REPS2: variants seen among roughly 807,000 people sequenced by gnomAD.
REPS2 encodes the protein ralBP1-associated Eps domain-containing protein 2.
A neutral mutation model predicts 53.6 loss-of-function variants in REPS2; 23 were observed. The observed-to-expected ratio is 0.43, with a 90% CI of 0.31 to 0.61. REPS2 has a LOEUF of 0.61. Among genes scored for constraint, REPS2 ranks in the 20% least tolerant of loss-of-function variants. The pLI is 0.11. For synonymous variants in REPS2, 238 were observed against 218.6 expected (o/e 1.09, Z -0.78); for missense variants, 446 against 534.9 (o/e 0.83, Z 1.64).
At chrX:17,069,401 G>T (rs2062273073) in intron 10 of REPS2, among the ~76,000 whole-genome samples, 1 of 112,432 alleles carries the variant, frequency 8.9e-6, no homozygotes, top group African/African-American at 3.2e-5. Context: ...ATTAGGCATT[G>T]TATGGGGGCT....
In REPS2 at chrX:17,150,809, G is replaced by A. The variant is rs974854629; in HGVS notation, c.*3328G>A. The A allele has an allele frequency of 7.1e-5, 8 of 112,064 alleles. No homozygotes were observed. The highest frequency in any genetic ancestry group is 2.6e-4 in the African/African-American group (8 of 30,736). 9.2% of individuals were successfully genotyped at this position (112,064 alleles called of 1,213,427 possible). A position where few individuals can be genotyped will look rare whatever the true frequency, so the allele number is the denominator to read the frequency against. ...AGTGGCAGATTTGGGGCGCCAACCT[G>A]ATTTTATGGATTTTGAGTTAGATTC... On this transcript the variant is annotated 3_prime_UTR_variant, in exon 18 of 18. Transcript: ENST00000357277.
chrX:17,101,350 T>C (rs755266059), intron 13 of REPS2, among the ~76,000 whole-genome samples: 139 of 111,214 alleles, frequency 1.2e-3, no homozygotes, highest in African/African-American at 3.6e-3. Context: ...GCGTGAGCCA[T>C]CGCGCCAGGC....
chrX:17,164,213 A>C, the REPS2 span, among the ~76,000 whole-genome samples: 1 of 112,012 alleles, frequency 8.9e-6, no homozygotes, highest in African/African-American at 3.2e-5. Flanking sequence ...AATATAGCAA[A>C]ATGGTAGATG....
intron 1 of REPS2, among the ~76,000 whole-genome samples, chrX:16,989,230 G>T (rs2061130406): frequency 1.1e-5 from 1 of 87,694 alleles, no homozygotes; most frequent in Non-Finnish European, 2.2e-5. Flanking sequence ...ATGGTGCTAG[G>T]TCAATTAAAC....
At chrX:17,182,152 A>G in the REPS2 span, among the ~76,000 whole-genome samples, 8 of 108,124 alleles carry the variant, frequency 7.4e-5, no homozygotes, top group Non-Finnish European at 1.3e-4. Flanking sequence ...CTATCTATCT[A>G]TCTATCTATC....
At chrX:17,119,174 CAGAA>C (rs2063105567) in intron 14 of REPS2, among the ~76,000 whole-genome samples, 1 of 111,945 alleles carries the variant, frequency 8.9e-6, no homozygotes, top group Non-Finnish European at 1.9e-5. Context: ...AGGTCAGTGA[CAGAA>C]AGAAAGAGTT....
At chrX:17,175,715 A>G in the REPS2 span, among the ~76,000 whole-genome samples, 1 of 112,518 alleles carries the variant, frequency 8.9e-6, no homozygotes, top group African/African-American at 3.2e-5. Context: ...CTAACACAAT[A>G]GACATTTATT....
At chrX:16,960,767 G>A (rs1335714269) in intron 1 of REPS2, among the ~76,000 whole-genome samples, 1 of 112,156 alleles carries the variant, frequency 8.9e-6, no homozygotes, top group Non-Finnish European at 1.9e-5. Flanking sequence ...GCCCTCTTAA[G>A]ACTAATAAAT....
At chrX:17,136,508 C>A (rs2063368033) in intron 16 of REPS2, 1 of 111,345 alleles carries the variant, frequency 9.0e-6, no homozygotes, top group Admixed American at 9.5e-5. Flanking sequence ...TCTACCCCAG[C>A]ACTCCACTTT....
chrX:17,152,898 T>C lies in REPS2; in HGVS notation c.*5417T>C, dbSNP rs897880589. 1 of 112,892 alleles carries C rather than the reference T, an allele frequency of 8.9e-6. No individual in the cohort carries two copies. Among genetic ancestry groups the C allele is most frequent in the Admixed American group, 9.4e-5 (1 of 10,660 alleles). The allele number at this position is 112,892 out of a possible 1,213,427, so 9.3% of individuals were successfully genotyped here. A position where few individuals can be genotyped will look rare whatever the true frequency, so the allele number is the denominator to read the frequency against. On this transcript the variant is annotated 3_prime_UTR_variant, in exon 18 of 18. Coordinates refer to ENST00000357277, the MANE Select transcript of REPS2 (RefSeq NM_004726.3). Reference sequence around the variant, plus strand: ...TTGGCTAAGAGAGATAATGAGCTGATGGTCTATTTTAACCTTGAAAGTAAA... The same window carrying C: ...TTGGCTAAGAGAGATAATGAGCTGACGGTCTATTTTAACCTTGAAAGTAAA...
intron 1 of REPS2, among the ~76,000 whole-genome samples, 167 bp from the exon 2 acceptor site, chrX:17,006,054 C>T (rs1472369220): frequency 8.9e-6 from 1 of 112,135 alleles, no homozygotes; most frequent in East Asian, 2.8e-4. Context: ...TAAAAACCTC[C>T]CTGTAAACTG....
At chrX:17,075,386 G>T (rs982240835) in intron 12 of REPS2, among the ~76,000 whole-genome samples, 1 of 112,366 alleles carries the variant, frequency 8.9e-6, no homozygotes, top group South Asian at 3.7e-4. Context: ...ATAGCCACAC[G>T]TTCTGTTATT....
chrX:17,157,526 C>T (rs551128415), downstream of REPS2, among the ~76,000 whole-genome samples: 23 of 112,266 alleles, frequency 2.0e-4, no homozygotes, highest in South Asian at 8.2e-3. Flanking sequence ...ATGTCTGCAA[C>T]TTGGCAATGC....
intron 1 of REPS2, among the ~76,000 whole-genome samples, chrX:17,002,180 C>T (rs2061315886): frequency 9.0e-6 from 1 of 110,753 alleles, no homozygotes; most frequent in Non-Finnish European, 1.9e-5. Context: ...CTGTAACCCA[C>T]TTTTCAGATG....
At position 17,002,371 on chromosome X, in the gene REPS2, A is replaced by T. The variant is rs185129441; in HGVS notation, c.274-3850A>T. ...AAACTAACAAGTACTTTAAGGTTTT[A>T]GTAGGATTCTCTGAAATCACACCTC... On this transcript the variant is annotated intron_variant, in intron 1 of 17. Coordinates refer to ENST00000357277, the MANE Select transcript of REPS2 (RefSeq NM_004726.3). 1.3e-4 allele frequency among the ~76,000 whole-genome samples: 15 copies of T among 111,871 alleles called. No individual in the cohort carries two copies. In the East Asian group the frequency reaches 4.2e-3, roughly 32 times the overall value.
chrX:16,946,745 G>T lies in REPS2; in HGVS notation c.-117G>T. 1.4e-6 allele frequency: 1 copy of T among 732,145 alleles called. No homozygotes were observed. Among genetic ancestry groups the T allele is most frequent in the African/African-American group, 2.5e-5 (1 of 40,281 alleles). The allele number at this position is 732,145 out of a possible 1,213,427, so 60.3% of individuals were successfully genotyped here. A position where few individuals can be genotyped will look rare whatever the true frequency, so the allele number is the denominator to read the frequency against. On this transcript the variant is annotated 5_prime_UTR_variant, in exon 1 of 18. Coordinates refer to ENST00000357277, the MANE Select transcript of REPS2 (RefSeq NM_004726.3). ...GGGGCGTGGGGGTGGTGGTGGCGGC[G>T]GCGGTGGTGGCGGCGGCGGCGGCGG... is the stretch of plus-strand genomic sequence containing the variant.
chrX:17,155,517 G>A, downstream of REPS2, among the ~76,000 whole-genome samples: 1 of 111,661 alleles, frequency 9.0e-6, no homozygotes, highest in Non-Finnish European at 1.9e-5. Context: ...AGGACGCAAA[G>A]GTAGGGCACA....
At position 17,024,537 on chromosome X, in the gene REPS2, A is replaced by G. The variant is rs1443027867; in HGVS notation, c.547-522A>G. On this transcript the variant is annotated intron_variant, in intron 3 of 17. Coordinates refer to ENST00000357277, the MANE Select transcript of REPS2 (RefSeq NM_004726.3). Reference sequence around the variant, plus strand: ...TGGTTGGAATGGTTTACCTATAATGAATTGTTTTGCAGTCTCTCATTGTTA... The same window carrying G: ...TGGTTGGAATGGTTTACCTATAATGGATTGTTTTGCAGTCTCTCATTGTTA... Among the ~76,000 whole-genome samples the G allele has an allele frequency of 3.7e-5, 4 of 108,159 alleles. No homozygotes were observed. The South Asian group carries it at 1.6e-3, about 44-fold the overall frequency. The allele number at this position is 108,159 out of a possible 115,157, so 93.9% of individuals were successfully genotyped here.
intron 1 of REPS2, among the ~76,000 whole-genome samples, chrX:16,953,844 G>T (rs1267929858): frequency 8.9e-6 from 1 of 112,226 alleles, no homozygotes; most frequent in Non-Finnish European, 1.9e-5. Flanking sequence ...TTCGAAACGT[G>T]TATGAAAATT....
Sources: gnomAD v4.1 joint callset for allele counts (sites outside exome capture counted in the v4.1 genomes callset) on GRCh38, gnomAD v4.1.1 for gene constraint, MANE v1.5 for transcripts, NCBI Gene and HGNC (gene_info 2026-07-23, HGNC 2026-07-21) for gene names.